The following TLE3 variants were observed in gnomAD, a reference collection of about 807,000 sequenced individuals.
The protein encoded by TLE3 is TLE family member 3, transcriptional corepressor.
A neutral mutation model predicts 93.0 loss-of-function variants in TLE3; 14 were observed. The observed-to-expected ratio is 0.15, with a 90% CI of 0.10 to 0.24. TLE3 has a LOEUF of 0.24. Among genes scored for constraint, TLE3 ranks in the 10% least tolerant of loss-of-function variants. The probability of loss-of-function intolerance (pLI) is 1.00; values close to 1 mark genes in which losing one functional copy is unlikely to be tolerated. For missense variants in TLE3, 693 were observed against 1,046.6 expected (o/e 0.66, Z 4.66); for synonymous variants, 451 against 425.0 (o/e 1.06, Z -0.75).
rs551704246 is a variant in TLE3, at chr15:70,052,552, T to C, written c.1975-28A>G. On this transcript the variant is annotated intron_variant, in intron 17 of 19. Coordinates refer to ENST00000451782, the MANE Select transcript of TLE3 (RefSeq NM_001105192.3). Reference sequence around the variant, plus strand: ...GCAGGTGGTGGGAGGGCAGATGGACTGAGCTCAGCATTCTCTGCCCTCAAG... The same window carrying C: ...GCAGGTGGTGGGAGGGCAGATGGACCGAGCTCAGCATTCTCTGCCCTCAAG... The C allele has an allele frequency of 1.1e-4, 184 of 1,606,046 alleles. 2 individuals carry two copies. The South Asian group carries it at 1.9e-3, about 16-fold the overall frequency.
chr15:70,095,077 A>AT (rs2058485817), intron 3 of TLE3, among the ~76,000 whole-genome samples: 1 of 152,278 alleles, frequency 6.6e-6, no homozygotes, highest in South Asian at 2.1e-4. Flanking sequence ...AGGGGAGTGG[A>AT]GGCAGAGAGA....
chr15:70,074,590 C>A lies in TLE3; in HGVS notation c.315G>T (p.Ala105=), dbSNP rs557301183. ...FLSQEHQQQV[A]QAVERAKQVT... is the part of the protein sequence containing the mutation. ...CCTGCTTGGCGCGCTCCACTGCCTG[C>A]GCCACCTGCTGCTGGTGCTGGAGGG... is the stretch of plus-strand genomic sequence containing the variant. The change falls in exon 6 of 20, where the codon GCG becomes GCT. Residue 105 remains alanine (A), a synonymous_variant. Transcript: ENST00000451782. 7.4e-6 allele frequency: 12 copies of A among 1,611,242 alleles called. No individual in the cohort carries two copies. In the Admixed American group the frequency reaches 8.4e-5, roughly 11 times the overall value.
chr15:70,079,255 T>C, intron 4 of TLE3: 1 of 405,890 alleles, frequency 2.5e-6, no homozygotes, highest in Non-Finnish European at 4.9e-6. Flanking sequence ...TCCACAAGCC[T>C]GGGGTAGTGG....
intron 17 of TLE3, chr15:70,053,016 AG>A: frequency 1.8e-6 from 1 of 569,384 alleles, no homozygotes. Flanking sequence ...GAATTTCCAC[AG>A]TTGGGCCAAA....
At chr15:70,057,806 G>A in intron 12 of TLE3, 148 bp from the exon 13 acceptor site, 1 of 967,068 alleles carries the variant, frequency 1.0e-6, no homozygotes. Context: ...TGGGATCCCT[G>A]CCTTCAGAGC....
chr15:70,096,511 C>T (rs2058570023), intron 1 of TLE3: 2 of 1,237,588 alleles, frequency 1.6e-6, no homozygotes, highest in South Asian at 2.7e-5. Flanking sequence ...GGAGACAAGC[C>T]GGGTGAGTTG....
At chr15:70,095,407 C>T (rs1000201626) in intron 3 of TLE3, 171 bp downstream of exon 3, 2 of 1,480,536 alleles carry the variant, frequency 1.4e-6, no homozygotes, top group African/African-American at 1.4e-5. Context: ...CAAGTGGCCC[C>T]GGCAATGGAA....
At chr15:70,063,857 G>A (rs1027267919) in intron 8 of TLE3, among the ~76,000 whole-genome samples, 2 of 152,208 alleles carry the variant, frequency 1.3e-5, no homozygotes, top group African/African-American at 4.8e-5. Flanking sequence ...TAAATCGAGT[G>A]AAAGCCCAGA....
chr15:70,069,005 C>A lies in TLE3; in HGVS notation c.373-2787G>T, dbSNP rs146827520. Among the ~76,000 whole-genome samples the A allele has an allele frequency of 2.9e-3, 441 of 152,334 alleles. 2 individuals carry two copies. The highest frequency in any genetic ancestry group is 0.01 in the African/African-American group (423 of 41,586). On this transcript the variant is annotated intron_variant, in intron 6 of 19. Coordinates refer to ENST00000451782, the MANE Select transcript of TLE3 (RefSeq NM_001105192.3). The stretch of plus-strand genomic sequence containing the variant: ...TGTGCCAGGATCACATGTGTGACTA[C>A]AGGTAAAAATGGAGCAGGTGCTCAA...
At chr15:70,077,677 C>T (rs1199383781) in intron 4 of TLE3, among the ~76,000 whole-genome samples, 1 of 152,210 alleles carries the variant, frequency 6.6e-6, no homozygotes, top group Non-Finnish European at 1.5e-5. Context: ...GCTCGCCAAC[C>T]TACGGAGCCT....
chr15:70,058,534 AG>A lies in TLE3; in HGVS notation c.918+128del. On this transcript the variant is annotated intron_variant, in intron 11 of 19. Transcript: ENST00000451782. The surrounding 1 kb of genome is among the most constrained non-coding windows in gnomAD (Gnocchi z 4.1). ...TCATTAGCACAGGCCCAGCAGGCAC[AG>A]AAGGTAAACCGGGGCCAATCACCCA... 7.2e-7 allele frequency: 1 copy of A among 1,381,836 alleles called. No individual in the cohort carries two copies. 85.6% of individuals were successfully genotyped at this position (1,381,836 alleles called of 1,614,324 possible).
chr15:70,076,249 A>C, intron 4 of TLE3, 91 bp from the exon 5 acceptor site: 1 of 1,204,944 alleles, frequency 8.3e-7, no homozygotes, highest in Non-Finnish European at 1.2e-6. Context: ...CTCCCCCCAG[A>C]CCACAGCCCC....
At chr15:70,063,893 A>C (rs983609839) in intron 8 of TLE3, among the ~76,000 whole-genome samples, 14 of 152,202 alleles carry the variant, frequency 9.2e-5, no homozygotes, top group African/African-American at 2.4e-4. Flanking sequence ...AGGCGTTTGA[A>C]GGGAATGAGG....
At position 70,095,623 on chromosome 15, in the gene TLE3, G is replaced by C. The variant is rs1376567911; in HGVS notation, c.144C>G (p.Asp48Glu). The C allele has an allele frequency of 3.2e-6, 5 of 1,551,456 alleles. No individual in the cohort carries two copies. Among genetic ancestry groups the C allele is most frequent in the Non-Finnish European group, 4.4e-6 (5 of 1,146,932 alleles). ...AQYHSLKVEY[D>E]KLANEKTEMQ... ...TCTCCGTCTTCTCGTTTGCCAGCTT[G>C]TCGTACTCCACTTTGAGGCTGCGAG... The change falls in exon 3 of 20, where the codon GAC becomes GAG. Residue 48 changes from aspartate (D) to glutamate (E), a missense_variant. Coordinates refer to ENST00000451782, the MANE Select transcript of TLE3 (RefSeq NM_001105192.3).
chr15:70,065,962 C>G (rs111371136), intron 7 of TLE3, 52 bp downstream of exon 7: 1 of 1,476,896 alleles, frequency 6.8e-7, no homozygotes, highest in African/African-American at 1.4e-5. Flanking sequence ...GGCCTATGAG[C>G]GCCCATGCCC....
At chr15:70,076,253 C>T in intron 4 of TLE3, 95 bp from the exon 5 acceptor site, 1 of 1,152,064 alleles carries the variant, frequency 8.7e-7, no homozygotes, top group Non-Finnish European at 1.3e-6. Flanking sequence ...CCCCAGACCA[C>T]AGCCCCTCTC....
chr15:70,061,155 A>C (rs8043161), intron 8 of TLE3, among the ~76,000 whole-genome samples: 1 of 152,192 alleles, frequency 6.6e-6, no homozygotes, highest in Non-Finnish European at 1.5e-5. Context: ...GGCGTCAGGC[A>C]GCCACCAACT....
chr15:70,095,279 G>A (rs2058497883), intron 3 of TLE3: 2 of 1,304,522 alleles, frequency 1.5e-6, no homozygotes, highest in Non-Finnish European at 2.0e-6. Context: ...TAGGGCAATG[G>A]CAATCAGCCC....
intron 8 of TLE3, 93 bp downstream of exon 8, chr15:70,064,361 G>C: frequency 1.1e-5 from 17 of 1,497,056 alleles, no homozygotes; most frequent in Non-Finnish European, 1.6e-5. Flanking sequence ...GATACCGACT[G>C]ACTGGTCTCA....
Sources: allele counts gnomAD v4.1 joint callset (sites outside exome capture counted in the v4.1 genomes callset), GRCh38; gene constraint gnomAD v4.1.1; non-coding constraint Gnocchi (gnomAD v3.1); transcripts MANE v1.5; gene names NCBI Gene and HGNC (gene_info 2026-07-23, HGNC 2026-07-21).